CDH8: variants seen among roughly 807,000 people sequenced by gnomAD.
The protein encoded by CDH8 is cadherin-8.
A neutral mutation model predicts 68.1 loss-of-function variants in CDH8; 17 were observed. The observed-to-expected ratio is 0.25, with a 90% CI of 0.17 to 0.37. CDH8 has a LOEUF of 0.37. Ranked by LOEUF, CDH8 falls within the 10% of genes least tolerant of loss-of-function variation. The pLI is 1.00. For missense variants in CDH8, 763 were observed against 999.3 expected, an observed-to-expected ratio of 0.76 and a Z score of 3.19; for synonymous variants, 372 against 365.1, an observed-to-expected ratio of 1.02 and a Z score of -0.21.
At chr16:61,749,092 T>C (rs1301011808) in intron 8 of CDH8, among the ~76,000 whole-genome samples, 1 of 152,082 alleles carries the variant, frequency 6.6e-6, no homozygotes, top group East Asian at 1.9e-4. Flanking sequence ...TTCATTTCAT[T>C]TGGAATATCT....
chr16:61,879,199 T>G (rs548890346), intron 3 of CDH8, among the ~76,000 whole-genome samples: 2 of 152,262 alleles, frequency 1.3e-5, no homozygotes, highest in East Asian at 3.9e-4. Context: ...TAAAAAAAAT[T>G]TACTTATATT....
intron 8 of CDH8, among the ~76,000 whole-genome samples, chr16:61,747,486 T>G (rs1311193014): frequency 6.6e-6 from 1 of 152,060 alleles, no homozygotes; most frequent in Non-Finnish European, 1.5e-5. Context: ...TTGGACCCAG[T>G]ATATCCATCA....
chr16:61,706,620 C>CAAAAAAAAAAAAAAAAAAA lies in CDH8; in HGVS notation c.1654+7202_1654+7220dup, dbSNP rs781148249. On this transcript the variant is annotated intron_variant, in intron 10 of 11. Coordinates refer to ENST00000577390, the MANE Select transcript of CDH8 (RefSeq NM_001796.5). ...TGGGCACCAGAGCAAGACTCTGTCT[C>CAAAAAAAAAAAAAAAAAAA]AAAAAAAAAAAAAAAAAAAAAAAAG... 2.2e-4 allele frequency among the ~76,000 whole-genome samples: 13 copies of CAAAAAAAAAAAAAAAAAAA among 60,380 alleles called. 1 individual carries two copies. Among genetic ancestry groups the CAAAAAAAAAAAAAAAAAAA allele is most frequent in the East Asian group, 6.3e-4 (1 of 1,576 alleles). 39.6% of individuals were successfully genotyped at this position (60,380 alleles called of 152,430 possible). A position where few individuals can be genotyped will look rare whatever the true frequency, so the allele number is the denominator to read the frequency against.
intron 8 of CDH8, among the ~76,000 whole-genome samples, chr16:61,729,699 CTAGA>C (rs1959480958): frequency 6.6e-6 from 1 of 151,282 alleles, no homozygotes; most frequent in Non-Finnish European, 1.5e-5. Flanking sequence ...GAAACTTCTA[CTAGA>C]TATTTTTACT....
At chr16:61,927,609 C>T (rs1487443838) in intron 2 of CDH8, among the ~76,000 whole-genome samples, 1 of 152,130 alleles carries the variant, frequency 6.6e-6, no homozygotes, top group Non-Finnish European at 1.5e-5. Flanking sequence ...TTCCATGACT[C>T]AAAACTAGGC....
chr16:61,687,518 G>A (rs1002681781), intron 10 of CDH8, among the ~76,000 whole-genome samples: 5 of 151,936 alleles, frequency 3.3e-5, no homozygotes, highest in Non-Finnish European at 7.4e-5. Flanking sequence ...ATATTATAAA[G>A]GTCTTGATGC....
At chr16:61,665,154 T>A (rs951217902) in intron 10 of CDH8, among the ~76,000 whole-genome samples, 3 of 151,746 alleles carry the variant, frequency 2.0e-5, no homozygotes, top group Non-Finnish European at 2.9e-5. Flanking sequence ...GAAGAGACAC[T>A]AAAGACCTTC....
At chr16:61,890,321 A>AATAG (rs1283833069) in intron 3 of CDH8, among the ~76,000 whole-genome samples, 1 of 152,318 alleles carries the variant, frequency 6.6e-6, no homozygotes, top group East Asian at 1.9e-4. Context: ...TACTACTGTG[A>AATAG]ATAGGCCTGG....
intron 3 of CDH8, among the ~76,000 whole-genome samples, chr16:61,887,940 G>A (rs1385964344): frequency 6.6e-6 from 1 of 152,054 alleles, no homozygotes; most frequent in Non-Finnish European, 1.5e-5. Flanking sequence ...ATCTGCTGTG[G>A]CTTCATTCTC....
chr16:61,761,493 A>G (rs1596942354), intron 8 of CDH8, among the ~76,000 whole-genome samples: 1 of 152,300 alleles, frequency 6.6e-6, no homozygotes, highest in East Asian at 1.9e-4. Flanking sequence ...TGAGTTGCAA[A>G]CAATCCCTAG....
chr16:61,691,377 G>A (rs1238059876), intron 10 of CDH8, among the ~76,000 whole-genome samples: 1 of 150,102 alleles, frequency 6.7e-6, no homozygotes, highest in African/African-American at 2.5e-5. Context: ...TTTTTCCTCA[G>A]TTTGTTTTCT....
intron 2 of CDH8, among the ~76,000 whole-genome samples, chr16:61,926,942 TA>T (rs1168218821): frequency 6.6e-6 from 1 of 152,066 alleles, no homozygotes; most frequent in African/African-American, 2.4e-5. Context: ...GGATAAAGAG[TA>T]AAAAACAACA....
At chr16:61,852,785 T>G (rs1962962139) in intron 4 of CDH8, among the ~76,000 whole-genome samples, 1 of 151,986 alleles carries the variant, frequency 6.6e-6, no homozygotes. Flanking sequence ...CCTCCTTCCC[T>G]TTATCCTCCC....
At chr16:61,668,807 T>C (rs1351219165) in intron 10 of CDH8, among the ~76,000 whole-genome samples, 1 of 152,022 alleles carries the variant, frequency 6.6e-6, no homozygotes, top group Admixed American at 6.6e-5. Flanking sequence ...ACCATGTCTC[T>C]ATGAATTGAA....
Position 61,652,393 on chromosome 16 carries a change from T to C in CDH8, c.*1215A>G. On this transcript the variant is annotated 3_prime_UTR_variant, in exon 12 of 12. Coordinates refer to ENST00000577390, the MANE Select transcript of CDH8 (RefSeq NM_001796.5). ...ATGTAGGTATCTAAAAGTCTAGAGT[T>C]TAAATATTCACAGGAATCAATATAC... The C allele has an allele frequency of 1.0e-6, 1 of 985,102 alleles. No individual in the cohort carries two copies. Among genetic ancestry groups the C allele is most frequent in the Non-Finnish European group, 1.2e-6 (1 of 829,646 alleles). 61.0% of individuals were successfully genotyped at this position (985,102 alleles called of 1,614,324 possible).
intron 10 of CDH8, among the ~76,000 whole-genome samples, chr16:61,678,530 C>T (rs879941732): frequency 2.0e-5 from 3 of 146,998 alleles, no homozygotes; most frequent in Admixed American, 2.0e-4. Context: ...ATGTTAATAC[C>T]TTCTCTTTTT....
intron 2 of CDH8, among the ~76,000 whole-genome samples, chr16:61,919,149 C>A (rs1229059905): frequency 6.9e-6 from 1 of 145,282 alleles, no homozygotes; most frequent in Admixed American, 7.2e-5. Context: ...GACATCCACA[C>A]CGAAAACCCA....
chr16:61,760,784 A>C (rs893144829), intron 8 of CDH8, among the ~76,000 whole-genome samples: 1 of 152,194 alleles, frequency 6.6e-6, no homozygotes, highest in Non-Finnish European at 1.5e-5. Context: ...TATAAGAAAC[A>C]TCTAGCAAGT....
chr16:61,702,472 G>A lies in CDH8; in HGVS notation c.1654+11369C>T, dbSNP rs556694080. On this transcript the variant is annotated intron_variant, in intron 10 of 11. Transcript: ENST00000577390. Reference sequence around the variant, plus strand: ...TAACGACTTGCAAAGACTTGTGAAGGTCAGATACATAGAGTCAAAAATAAT... The same window carrying A: ...TAACGACTTGCAAAGACTTGTGAAGATCAGATACATAGAGTCAAAAATAAT... 2.6e-5 allele frequency among the ~76,000 whole-genome samples: 4 copies of A among 152,258 alleles called. No individual in the cohort carries two copies. In the South Asian group the frequency reaches 8.3e-4, roughly 32 times the overall value.
Sources: gnomAD v4.1 joint callset for allele counts (sites outside exome capture counted in the v4.1 genomes callset) on GRCh38, gnomAD v4.1.1 for gene constraint, MANE v1.5 for transcripts, NCBI Gene and HGNC (gene_info 2026-07-23, HGNC 2026-07-21) for gene names.